ECPAS: variants seen among roughly 807,000 people sequenced by gnomAD.
The protein encoded by ECPAS is proteasome adapter and scaffold protein ECM29.
In ECPAS, 70 loss-of-function variants were observed where a neutral mutation model predicts 255.1. That is an observed-to-expected ratio of 0.27 (90% CI 0.23 to 0.33). The LOEUF (loss-of-function observed/expected upper bound fraction) is 0.33. Among genes scored for constraint, ECPAS ranks in the 10% least tolerant of loss-of-function variants. ECPAS has a pLI of 1.00. For synonymous variants in ECPAS, 784 were observed against 775.0 expected, an observed-to-expected ratio of 1.01 and a Z score of -0.19; for missense variants, 1,817 against 2,206.4, an observed-to-expected ratio of 0.82 and a Z score of 3.54.
intron 25 of ECPAS, among the ~76,000 whole-genome samples, chr9:111,395,640 T>C (rs963059183): frequency 1.3e-5 from 2 of 152,148 alleles, no homozygotes; most frequent in Non-Finnish European, 2.9e-5. Context: ...CAGATGCCTC[T>C]CTACTAACCT....
chr9:111,422,458 A>T (rs951076544), intron 13 of ECPAS, among the ~76,000 whole-genome samples: 1 of 152,226 alleles, frequency 6.6e-6, no homozygotes, highest in African/African-American at 2.4e-5. Context: ...AACATGAAGA[A>T]ATTAGGTAAG....
chr9:111,465,433 G>A (rs1362067555), intron 2 of ECPAS, among the ~76,000 whole-genome samples: 1 of 151,462 alleles, frequency 6.6e-6, no homozygotes, highest in African/African-American at 2.4e-5. Flanking sequence ...CGAGCTACTC[G>A]GGAAGTTGAG....
rs142728928 is a variant in ECPAS at position 111,484,191 on chromosome 9, C to G, written c.-158G>C. The G allele has an allele frequency of 0.014, 20,509 of 1,482,966 alleles. 211 individuals are homozygous for G. The highest frequency in any genetic ancestry group is 0.016 in the Non-Finnish European group (17,547 of 1,118,996). The allele number at this position is 1,482,966 out of a possible 1,614,324, so 91.9% of individuals were successfully genotyped here. ...GGTGAGGGCTGTAGAGCGAGGCGTT[C>G]GGCGGGCCGGGCCCCGGGGAGCCGC... On this transcript the variant is annotated 5_prime_UTR_variant, in exon 1 of 50. Transcript: ENST00000684092.
chr9:111,444,364 A>G lies in ECPAS; in HGVS notation c.270+14T>C. The G allele has an allele frequency of 6.5e-7, 1 of 1,548,904 alleles. No homozygotes were observed. Among genetic ancestry groups the G allele is most frequent in the Admixed American group, 1.8e-5 (1 of 55,822 alleles). On this transcript the variant is annotated intron_variant, in intron 4 of 49. Coordinates refer to ENST00000684092, the MANE Select transcript of ECPAS (RefSeq NM_001364929.1). ...TTTGCTGTAAGTCAGAAAATATTCC[A>G]ATACAACACTCACTGTGACAAAGGA... is the stretch of plus-strand genomic sequence containing the variant.
At chr9:111,424,769 C>T (rs921750133) in intron 12 of ECPAS, among the ~76,000 whole-genome samples, 2 of 152,202 alleles carry the variant, frequency 1.3e-5, no homozygotes, top group African/African-American at 4.8e-5. Flanking sequence ...CAAGCCAAAT[C>T]CAAATAGTCA....
At chr9:111,438,525 T>C (rs1005808765) in intron 6 of ECPAS, among the ~76,000 whole-genome samples, 4 of 152,186 alleles carry the variant, frequency 2.6e-5, no homozygotes, top group Non-Finnish European at 5.9e-5. Context: ...AGAGGACTGC[T>C]TGAACCCAGG....
chr9:111,443,473 A>ACTCCTTACCTCATGATCAGCTGGC (rs2098248694), intron 4 of ECPAS, among the ~76,000 whole-genome samples: 1 of 151,608 alleles, frequency 6.6e-6, no homozygotes, highest in Admixed American at 6.6e-5. Context: ...CTGGTCTTGA[A>ACTCCTTACCTCATGATCAGCTGGC]CTCCTGACCT....
chr9:111,464,336 C>G (rs1263967722), intron 2 of ECPAS, among the ~76,000 whole-genome samples: 3 of 150,826 alleles, frequency 2.0e-5, no homozygotes, highest in African/African-American at 7.3e-5. Flanking sequence ...ACTCAGTACT[C>G]GAGAGGCTGA....
At position 111,428,057 on chromosome 9, in the gene ECPAS, G is replaced by T. The variant is rs16916100; in HGVS notation, c.1035C>A (p.Phe345Leu). Reference protein sequence around the residue: ...LLRSRQAAETFPANIQVVYDG... With the variant: ...LLRSRQAAETLPANIQVVYDG... ...AACAAATTACCTGAATGTTGGCTGG[G>T]AACGTTTCAGCAGCTTGTCTAGAGC... The change falls in exon 10 of 50, where the codon TTC (phenylalanine) becomes TTA (leucine). Residue 345 changes from phenylalanine to leucine, a missense_variant. Phe to Leu is a conservative substitution (Grantham distance 22). Transcript: ENST00000684092. 1 of 1,612,694 alleles carries T rather than the reference G, an allele frequency of 6.2e-7. No individual in the cohort carries two copies. Among genetic ancestry groups the T allele is most frequent in the Non-Finnish European group, 8.5e-7 (1 of 1,179,296 alleles).
In ECPAS at chr9:111,414,516, C is replaced by T. The variant is rs2098200017; in HGVS notation, c.1900G>A (p.Ala634Thr). The T allele has an allele frequency of 6.2e-7, 1 of 1,613,978 alleles. No individual in the cohort carries two copies. The highest frequency in any genetic ancestry group is 8.5e-7 in the Non-Finnish European group (1 of 1,179,870). ...CCACTCTTGTTAGATGATGAGGGTG[C>T]CATCTGCCCGCTTGACATTAAAGTC... is the stretch of plus-strand genomic sequence containing the variant. ...IRTLMSSGQM[A>T]PSSSNKSGET... The change falls in exon 19 of 50, where the codon GCA becomes ACA. Residue 634 changes from alanine (A) to threonine (T), a missense_variant. Ala to Thr is a moderately conservative substitution (Grantham distance 58). Transcript: ENST00000684092.
At chr9:111,396,278 T>C (rs570995457) in intron 25 of ECPAS, among the ~76,000 whole-genome samples, 3 of 152,146 alleles carry the variant, frequency 2.0e-5, no homozygotes, top group Non-Finnish European at 4.4e-5. Context: ...AATCATAATA[T>C]ATAAAACATA....
At position 111,412,052 on chromosome 9, in the gene ECPAS, T is replaced by C. The variant is rs756161531; in HGVS notation, c.2176A>G (p.Met726Val). The change falls in exon 21 of 50, where the codon ATG becomes GTG. Residue 726 changes from methionine to valine, a missense_variant. Physicochemically the swap from Met to Val is conservative, Grantham distance 21. Coordinates refer to ENST00000684092, the MANE Select transcript of ECPAS (RefSeq NM_001364929.1). ...GTAGTCTTTATAAGCTGTTCTATCA[T>C]TGATTTCAACTCATTCCCCGACACT... is the stretch of plus-strand genomic sequence containing the variant. ...STVSGNELKS[M>V]IEQLIKTTKD... The C allele has an allele frequency of 2.3e-5, 37 of 1,587,820 alleles. No homozygotes were observed. In the Admixed American group the frequency reaches 2.5e-4, roughly 11 times the overall value.
intron 5 of ECPAS, among the ~76,000 whole-genome samples, chr9:111,441,059 G>A (rs954858894): frequency 1.3e-5 from 2 of 151,982 alleles, no homozygotes; most frequent in Non-Finnish European, 2.9e-5. Context: ...GGCTGAGGCA[G>A]GAGAATGGAG....
chr9:111,390,684 T>C (rs1325310422), intron 29 of ECPAS, among the ~76,000 whole-genome samples: 2 of 152,220 alleles, frequency 1.3e-5, no homozygotes, highest in Non-Finnish European at 1.5e-5. Context: ...TGGAACAAAC[T>C]GCAGCTTTCT....
At chr9:111,468,583 A>C (rs2098282266) in intron 2 of ECPAS, among the ~76,000 whole-genome samples, 1 of 151,934 alleles carries the variant, frequency 6.6e-6, no homozygotes, top group Non-Finnish European at 1.5e-5. Flanking sequence ...CTCTTAAAAC[A>C]AGGCCTTTTC....
intron 7 of ECPAS, among the ~76,000 whole-genome samples, chr9:111,434,027 C>G (rs1270621652): frequency 6.6e-6 from 1 of 152,148 alleles, no homozygotes; most frequent in African/African-American, 2.4e-5. Context: ...ATGAATTTCA[C>G]TACAAATGAC....
At chr9:111,383,454 G>T in intron 34 of ECPAS, 122 bp from the exon 35 acceptor site, 1 of 1,278,782 alleles carries the variant, frequency 7.8e-7, no homozygotes, top group Non-Finnish European at 1.1e-6. Context: ...TACTTTCTCT[G>T]ACACTACAGA....
At chr9:111,431,303 A>G (rs2098229560) in intron 8 of ECPAS, among the ~76,000 whole-genome samples, 1 of 152,194 alleles carries the variant, frequency 6.6e-6, no homozygotes, top group Non-Finnish European at 1.5e-5. Context: ...CACACCTGCA[A>G]TCCCAGCACT....
chr9:111,444,352 A>G, intron 4 of ECPAS, 26 bp downstream of exon 4: 1 of 1,513,720 alleles, frequency 6.6e-7, no homozygotes, highest in Non-Finnish European at 9.1e-7. Context: ...GCTGTAAGTC[A>G]GAAAATATTC....
Sources: allele counts gnomAD v4.1 joint callset (sites outside exome capture counted in the v4.1 genomes callset), GRCh38; gene constraint gnomAD v4.1.1; transcripts MANE v1.5; gene names NCBI Gene and HGNC (gene_info 2026-07-23, HGNC 2026-07-21).